TBC1D32: variants seen among roughly 807,000 people sequenced by gnomAD.
The protein encoded by TBC1D32 is protein broad-minded.
TBC1D32 carries 151 observed loss-of-function variants against 170.3 expected under a neutral mutation model. The observed-to-expected ratio is 0.89, with a 90% CI of 0.78 to 1.01. TBC1D32 has a LOEUF of 1.01. Among genes scored for constraint, TBC1D32 ranks in the 50% least tolerant of loss-of-function variants. The pLI is 0.00. For synonymous variants in TBC1D32, 498 were observed against 488.0 expected (o/e 1.02, Z -0.27); for missense variants, 1,464 against 1,457.1 (o/e 1.00, Z -0.08).
At chr6:121,304,651 T>C in intron 6 of TBC1D32, 26 bp from the exon 7 acceptor site, 2 of 1,567,090 alleles carry the variant, frequency 1.3e-6, no homozygotes, top group Non-Finnish European at 1.7e-6. Flanking sequence ...AAACATAAAA[T>C]TACATCATTC....
Position 121,247,695 on chromosome 6 carries a change from CAAAAAAAAA to C in TBC1D32, c.2019-5365_2019-5357del, listed in dbSNP as rs34914027. Among the ~76,000 whole-genome samples, 35 of 46,570 alleles carry C rather than the reference CAAAAAAAAA, an allele frequency of 7.5e-4. 1 individual carries two copies. The highest frequency in any genetic ancestry group is 3.0e-3 in the East Asian group (4 of 1,330). The allele number at this position is 46,570 out of a possible 152,430, so 30.6% of individuals were successfully genotyped here. ...ATATCAGATAAAACAGGCTTTAAAG[CAAAAAAAAA>C]AAAAAAAAAAAAAAGACAAAGAAGG... On this transcript the variant is annotated intron_variant, in intron 17 of 31. Coordinates refer to ENST00000398212, the MANE Select transcript of TBC1D32 (RefSeq NM_152730.6).
At chr6:121,205,777 A>T (rs751810974) in intron 21 of TBC1D32, among the ~76,000 whole-genome samples, 14 of 152,086 alleles carry the variant, frequency 9.2e-5, no homozygotes, top group Non-Finnish European at 1.9e-4. Flanking sequence ...ACTCTTTTAA[A>T]AGCTCCCTGT....
At chr6:121,265,451 G>C (rs1358959273) in intron 15 of TBC1D32, among the ~76,000 whole-genome samples, 1 of 152,070 alleles carries the variant, frequency 6.6e-6, no homozygotes, top group African/African-American at 2.4e-5. Context: ...CTCATGGATA[G>C]CAAGAATCAA....
intron 22 of TBC1D32, among the ~76,000 whole-genome samples, chr6:121,173,718 C>A (rs939895655): frequency 6.6e-6 from 1 of 151,744 alleles, no homozygotes; most frequent in Admixed American, 6.6e-5. Flanking sequence ...TGGGGGGTAC[C>A]AGGGGAGGGG....
At chr6:121,238,112 A>G (rs1473807138) in intron 20 of TBC1D32, among the ~76,000 whole-genome samples, 1 of 152,024 alleles carries the variant, frequency 6.6e-6, no homozygotes, top group Non-Finnish European at 1.5e-5. Context: ...ATATACACAG[A>G]GTTTGGAGTG....
intron 20 of TBC1D32, chr6:121,236,846 T>C (rs1227399044): frequency 6.6e-6 from 1 of 152,096 alleles, no homozygotes; most frequent in Non-Finnish European, 1.5e-5. Context: ...AGCTATCCTA[T>C]GTACGATTTT....
intron 22 of TBC1D32, among the ~76,000 whole-genome samples, chr6:121,176,335 T>C (rs1787760223): frequency 6.6e-6 from 1 of 152,096 alleles, no homozygotes; most frequent in East Asian, 1.9e-4. Context: ...TTCAGTCAAA[T>C]ACCTAAGGTG....
At chr6:121,181,039 A>G (rs957225175) in intron 22 of TBC1D32, among the ~76,000 whole-genome samples, 3 of 152,140 alleles carry the variant, frequency 2.0e-5, no homozygotes, top group Non-Finnish European at 4.4e-5. Context: ...CCCAAACAAG[A>G]TAACATTTCA....
intron 12 of TBC1D32, among the ~76,000 whole-genome samples, chr6:121,285,049 G>C (rs1803581751): frequency 6.6e-6 from 1 of 152,100 alleles, no homozygotes. Flanking sequence ...GTATAAAAGA[G>C]TATTCAAAAT....
intron 26 of TBC1D32, among the ~76,000 whole-genome samples, chr6:121,117,729 T>C (rs143879782): frequency 1.3e-5 from 2 of 151,912 alleles, no homozygotes; most frequent in Non-Finnish European, 2.9e-5. Flanking sequence ...AAAAAGAGGT[T>C]TCCATTTTAA....
intron 22 of TBC1D32, among the ~76,000 whole-genome samples, chr6:121,177,708 C>A (rs1787965214): frequency 6.6e-6 from 1 of 152,090 alleles, no homozygotes; most frequent in Admixed American, 6.6e-5. Context: ...TTGTATAAAA[C>A]TACATTCAGG....
chr6:121,122,422 G>C (rs1043978284), intron 26 of TBC1D32, among the ~76,000 whole-genome samples: 12 of 151,722 alleles, frequency 7.9e-5, no homozygotes, highest in African/African-American at 2.9e-4. Flanking sequence ...TCTCCTATCT[G>C]ACTTTTAACA....
intron 17 of TBC1D32, among the ~76,000 whole-genome samples, chr6:121,251,585 C>T (rs1269607081): frequency 6.6e-6 from 1 of 152,090 alleles, no homozygotes; most frequent in East Asian, 1.9e-4. Context: ...AACATAAAAT[C>T]TAAAACCATA....
chr6:121,088,017 C>T (rs1368633802), intron 31 of TBC1D32, among the ~76,000 whole-genome samples: 1 of 150,050 alleles, frequency 6.7e-6, no homozygotes, highest in Non-Finnish European at 1.5e-5. Flanking sequence ...CTGGTACAAT[C>T]ATGGCCCACT....
At chr6:121,221,239 A>C (rs1429208566) in intron 21 of TBC1D32, among the ~76,000 whole-genome samples, 3 of 152,204 alleles carry the variant, frequency 2.0e-5, no homozygotes, top group Non-Finnish European at 4.4e-5. Context: ...GCAGATTTTA[A>C]GCCTACCATT....
rs374619042 is a variant in TBC1D32, at chr6:121,112,447, G to A, written c.3324+58C>T. On this transcript the variant is annotated intron_variant, in intron 29 of 31. Transcript: ENST00000398212. ...CAAATAAAATTATGCCCCAGTGAAT[G>A]TAAGTATAATGTTCTTAAAATTTCA... The A allele has an allele frequency of 6.3e-6, 9 of 1,421,462 alleles. No homozygotes were observed. In the East Asian group the frequency reaches 2.0e-4, roughly 31 times the overall value. The allele number at this position is 1,421,462 out of a possible 1,614,324, so 88.1% of individuals were successfully genotyped here. A position where few individuals can be genotyped will look rare whatever the true frequency, so the allele number is the denominator to read the frequency against.
In TBC1D32 at chr6:121,208,729, G is replaced by GAAAAAAAAAAA. The variant is rs57771111; in HGVS notation, c.2482-3577_2482-3567dup. On this transcript the variant is annotated intron_variant, in intron 21 of 31. Transcript: ENST00000398212. ...GTAGCAACAAGACACGAAACACCTG[G>GAAAAAAAAAAA]AAAAAAAAAAAAAAAAAACAGAAAT... Among the ~76,000 whole-genome samples the GAAAAAAAAAAA allele has an allele frequency of 2.1e-4, 18 of 86,912 alleles. 2 individuals are homozygous for GAAAAAAAAAAA. Among genetic ancestry groups the GAAAAAAAAAAA allele is most frequent in the South Asian group, 6.2e-4 (1 of 1,618 alleles). The allele number at this position is 86,912 out of a possible 152,430, so 57.0% of individuals were successfully genotyped here.
intron 27 of TBC1D32, among the ~76,000 whole-genome samples, chr6:121,114,056 C>T (rs1562524410): frequency 6.6e-6 from 1 of 152,084 alleles, no homozygotes; most frequent in Non-Finnish European, 1.5e-5. Flanking sequence ...CACCTGTAAT[C>T]CCAGCTACTC....
chr6:121,260,890 C>T (rs543738094), intron 15 of TBC1D32, among the ~76,000 whole-genome samples: 24 of 152,258 alleles, frequency 1.6e-4, no homozygotes, highest in South Asian at 1.2e-3. Flanking sequence ...CTCCCATGGG[C>T]GAAGGACTGC....
Sources: gnomAD v4.1 joint callset for allele counts (sites outside exome capture counted in the v4.1 genomes callset) on GRCh38, gnomAD v4.1.1 for gene constraint, MANE v1.5 for transcripts, NCBI Gene and HGNC (gene_info 2026-07-23, HGNC 2026-07-21) for gene names.